The following PHF20 variants were observed in gnomAD, a reference collection of about 807,000 sequenced individuals.
PHF20 encodes glioma-expressed antigen 2.
Under a neutral mutation model 113.5 loss-of-function variants are expected in PHF20, and 23 were observed. The observed-to-expected ratio is 0.20, with a 90% CI of 0.15 to 0.29. The LOEUF is 0.29. Among genes scored for constraint, PHF20 ranks in the 10% least tolerant of loss-of-function variants. The probability of loss-of-function intolerance (pLI) is 1.00; values close to 1 mark genes in which losing one functional copy is unlikely to be tolerated. For synonymous variants in PHF20, 434 were observed against 457.3 expected, an observed-to-expected ratio of 0.95 and a Z score of 0.65; for missense variants, 943 against 1,219.6, an observed-to-expected ratio of 0.77 and a Z score of 3.38.
chr20:35,889,249 T>C (rs960899339), intron 9 of PHF20, among the ~76,000 whole-genome samples: 3 of 152,016 alleles, frequency 2.0e-5, no homozygotes, highest in Non-Finnish European at 4.4e-5. Context: ...CTCCTGACTT[T>C]GTGATTCGCC....
At chr20:35,829,502 C>T (rs375691109) in intron 2 of PHF20, among the ~76,000 whole-genome samples, 107 of 151,780 alleles carry the variant, frequency 7.0e-4, no homozygotes, top group African/African-American at 1.6e-3. Context: ...TGTGCCACCA[C>T]GCCTGGCTAA....
chr20:35,822,054 G>A (rs2146903121), intron 2 of PHF20, among the ~76,000 whole-genome samples: 1 of 152,332 alleles, frequency 6.6e-6, no homozygotes, highest in South Asian at 2.1e-4. Flanking sequence ...ATGTTGAATG[G>A]ATAGTTGAAT....
chr20:35,903,090 T>A (rs1193240965), intron 10 of PHF20, among the ~76,000 whole-genome samples: 1 of 146,666 alleles, frequency 6.8e-6, no homozygotes, highest in Non-Finnish European at 1.5e-5. Context: ...TTTTTTTTTT[T>A]TTTTTGAGTA....
intron 1 of PHF20, among the ~76,000 whole-genome samples, chr20:35,793,995 CAAA>C (rs56189104): frequency 0.015 from 501 of 33,810 alleles, 5 homozygotes; most frequent in African/African-American, 0.06. Flanking sequence ...GACTCTGTCT[CAAA>C]AAAAAAAAAA....
intron 9 of PHF20, among the ~76,000 whole-genome samples, chr20:35,874,136 T>C (rs965991281): frequency 6.6e-6 from 1 of 152,078 alleles, no homozygotes; most frequent in Non-Finnish European, 1.5e-5. Context: ...CACGCCTGGC[T>C]AAATTTTTTT....
At chr20:35,795,178 G>A (rs1298984152) in intron 1 of PHF20, among the ~76,000 whole-genome samples, 3 of 148,554 alleles carry the variant, frequency 2.0e-5, no homozygotes, top group Non-Finnish European at 3.0e-5. Context: ...GGGACAGAGC[G>A]AGACTCTGTC....
intron 9 of PHF20, among the ~76,000 whole-genome samples, chr20:35,876,832 C>T (rs576648461): frequency 9.1e-4 from 138 of 151,950 alleles, no homozygotes; most frequent in Middle Eastern, 3.4e-3. Flanking sequence ...TTTGGCCGGG[C>T]GCAGTGTCTC....
At chr20:35,866,068 AG>A (rs1398290276) in intron 6 of PHF20, among the ~76,000 whole-genome samples, 2 of 151,834 alleles carry the variant, frequency 1.3e-5, no homozygotes, top group African/African-American at 4.8e-5. Context: ...AAATTAGATG[AG>A]CGTGGTGGCA....
At chr20:35,932,923 T>G (rs1457714815) in intron 15 of PHF20, among the ~76,000 whole-genome samples, 2 of 152,172 alleles carry the variant, frequency 1.3e-5, no homozygotes, top group African/African-American at 4.8e-5. Flanking sequence ...TCTAGAGACC[T>G]CATGTAAGTG....
At chr20:35,911,677 G>A (rs2055306445) in intron 10 of PHF20, among the ~76,000 whole-genome samples, 1 of 152,070 alleles carries the variant, frequency 6.6e-6, no homozygotes. Flanking sequence ...GTTTGTTTTG[G>A]AGACAGATTC....
Position 35,938,721 on chromosome 20 carries a change from G to A in PHF20, c.2325G>A (p.Pro775=), listed in dbSNP as rs1600970437. 6.8e-6 allele frequency: 11 copies of A among 1,612,004 alleles called. No homozygotes were observed. The highest frequency in any genetic ancestry group is 1.1e-5 in the South Asian group (1 of 90,860). The change falls in exon 16 of 18, where the codon CCG becomes CCA. Residue 775 remains proline, a synonymous_variant. Coordinates refer to ENST00000374012, the MANE Select transcript of PHF20 (RefSeq NM_016436.5). ...ILQSREHPDL[P]LWCQPWKQHS... is the part of the protein sequence containing the mutation. Reference sequence around the variant, plus strand: ...GAAGCCGGGAGCATCCTGATCTGCCGCTGTGGTGCCAGCCTTGGAAACAGC... The same window carrying A: ...GAAGCCGGGAGCATCCTGATCTGCCACTGTGGTGCCAGCCTTGGAAACAGC...
In PHF20 at chr20:35,886,992, G is replaced by A. The variant is rs558501601; in HGVS notation, c.1283-12378G>A. Among the ~76,000 whole-genome samples, 3 of 152,284 alleles carry A rather than the reference G, an allele frequency of 2.0e-5. No homozygotes were observed. The South Asian group carries it at 6.2e-4, about 32-fold the overall frequency. On this transcript the variant is annotated intron_variant, in intron 9 of 17. Transcript: ENST00000374012. ...ACGTGGGCCTTGAATGCCAGACTGA[G>A]CATTGCCAGCCAGACGGAATATCAC...
chr20:35,803,540 G>T (rs2041824299), intron 2 of PHF20, among the ~76,000 whole-genome samples: 1 of 151,612 alleles, frequency 6.6e-6, no homozygotes, highest in Admixed American at 6.6e-5. Flanking sequence ...GGCCAGGCTG[G>T]TCTCCAACTC....
intron 12 of PHF20, among the ~76,000 whole-genome samples, chr20:35,914,976 A>AAAAC (rs1240099533): frequency 4.7e-5 from 7 of 149,588 alleles, no homozygotes; most frequent in Non-Finnish European, 1.0e-4. Flanking sequence ...AAAAAAAAAA[A>AAAAC]AAACAGTAAA....
intron 1 of PHF20, among the ~76,000 whole-genome samples, chr20:35,796,810 T>C (rs986066461): frequency 2.6e-5 from 4 of 152,178 alleles, no homozygotes; most frequent in Non-Finnish European, 5.9e-5. Context: ...CTGTTACTTT[T>C]GATAAGAGGG....
chr20:35,815,157 A>C (rs1006774416), intron 2 of PHF20, among the ~76,000 whole-genome samples: 2 of 152,114 alleles, frequency 1.3e-5, no homozygotes, highest in Non-Finnish European at 2.9e-5. Flanking sequence ...AGATTGCGAC[A>C]CTGGACTCCA....
At chr20:35,878,705 G>C in intron 9 of PHF20, 2 of 769,992 alleles carry the variant, frequency 2.6e-6, no homozygotes, top group Non-Finnish European at 4.8e-6. Context: ...ATCATGTATC[G>C]AGAATTCTGG....
At chr20:35,898,548 C>T (rs2055034353) in intron 9 of PHF20, among the ~76,000 whole-genome samples, 1 of 152,148 alleles carries the variant, frequency 6.6e-6, no homozygotes, top group Non-Finnish European at 1.5e-5. Context: ...AATTATCGTG[C>T]CTCAGCCTCC....
intron 9 of PHF20, among the ~76,000 whole-genome samples, chr20:35,887,999 A>T (rs1228614437): frequency 1.4e-5 from 2 of 141,414 alleles, no homozygotes; most frequent in African/African-American, 5.2e-5. Context: ...TTTTTTTCTG[A>T]GACAGAGTTT....
Sources: allele counts gnomAD v4.1 joint callset (sites outside exome capture counted in the v4.1 genomes callset), GRCh38; gene constraint gnomAD v4.1.1; transcripts MANE v1.5; gene names NCBI Gene and HGNC (gene_info 2026-07-23, HGNC 2026-07-21).